NRXN1: variants seen among roughly 807,000 people sequenced by gnomAD.
The protein encoded by NRXN1 is neurexin 1, also known as neurexin-1.
In NRXN1, 39 loss-of-function variants were observed where a neutral mutation model predicts 150.9. The ratio of observed to expected loss-of-function variants is 0.26; its 90% CI spans 0.20 to 0.34. NRXN1 has a LOEUF of 0.34. NRXN1 is among the 10% of genes least tolerant of loss of function. NRXN1 has a pLI of 1.00. For missense variants in NRXN1, 1,815 were observed against 1,949.9 expected (o/e 0.93, Z 1.30); for synonymous variants, 924 against 757.0 (o/e 1.22, Z -3.62).
intron 18 of NRXN1, among the ~76,000 whole-genome samples, chr2:50,110,655 A>G (rs905728486): frequency 6.6e-6 from 1 of 152,126 alleles, no homozygotes; most frequent in African/African-American, 2.4e-5. Flanking sequence ...CCTAGACAAT[A>G]AAAAATTGAT....
At chr2:50,817,306 C>T (rs1400728436) in intron 5 of NRXN1, among the ~76,000 whole-genome samples, 1 of 151,936 alleles carries the variant, frequency 6.6e-6, no homozygotes. Context: ...TCAACTGAAT[C>T]ATGAATATAA....
chr2:50,494,751 G>A (rs969466486), intron 15 of NRXN1, among the ~76,000 whole-genome samples: 2 of 152,146 alleles, frequency 1.3e-5, no homozygotes, highest in African/African-American at 4.8e-5. Context: ...GTTCTGTTGA[G>A]GCTGGGTGCA....
At chr2:50,816,967 T>C (rs1669023154) in intron 5 of NRXN1, among the ~76,000 whole-genome samples, 1 of 152,090 alleles carries the variant, frequency 6.6e-6, no homozygotes, top group African/African-American at 2.4e-5. Context: ...TTTAAAACTG[T>C]TAGGAGGACT....
At chr2:50,920,141 A>C (rs1412069085) in intron 5 of NRXN1, 2 of 179,202 alleles carry the variant, frequency 1.1e-5, no homozygotes, top group Non-Finnish European at 2.6e-5. Flanking sequence ...TAACAGCAAA[A>C]AGCTTACTCG....
chr2:51,014,770 T>G (rs1267926355), intron 2 of NRXN1, among the ~76,000 whole-genome samples: 1 of 151,930 alleles, frequency 6.6e-6, no homozygotes, highest in Non-Finnish European at 1.5e-5. Context: ...ACCTATCAAA[T>G]GAGAAAAAAG....
chr2:50,275,987 C>CAAA lies in NRXN1; in HGVS notation c.3365-39020_3365-39018dup, dbSNP rs34672241. Among the ~76,000 whole-genome samples, 636 of 127,738 alleles carry CAAA rather than the reference C, an allele frequency of 5.0e-3. 8 individuals are homozygous for CAAA. The highest frequency in any genetic ancestry group is 0.017 in the African/African-American group (581 of 34,076). 83.8% of individuals were successfully genotyped at this position (127,738 alleles called of 152,430 possible). A position where few individuals can be genotyped will look rare whatever the true frequency, so the allele number is the denominator to read the frequency against. ...CATATTATTACCCATTCCTACCTTG[C>CAAA]AAAAAAAAAAAAAAAGCCCAGTCTG... On this transcript the variant is annotated intron_variant, in intron 17 of 22. Coordinates refer to ENST00000401669, the MANE Select transcript of NRXN1 (RefSeq NM_001330078.2).
intron 21 of NRXN1, among the ~76,000 whole-genome samples, chr2:50,014,922 C>T (rs1367745938): frequency 1.3e-5 from 2 of 152,144 alleles, no homozygotes; most frequent in Non-Finnish European, 2.9e-5. Flanking sequence ...GTAATGCTAT[C>T]ACAGCCGGTG....
chr2:50,927,523 A>C (rs1687083644), intron 2 of NRXN1, among the ~76,000 whole-genome samples: 1 of 152,018 alleles, frequency 6.6e-6, no homozygotes, highest in African/African-American at 2.4e-5. Flanking sequence ...AATTAGGCTG[A>C]ATTTGTTACT....
chr2:50,617,010 C>G (rs1396628225), intron 8 of NRXN1, among the ~76,000 whole-genome samples: 1 of 152,086 alleles, frequency 6.6e-6, no homozygotes. Context: ...CAAAGCTGAC[C>G]TATTTGAAGT....
chr2:50,538,551 C>A lies in NRXN1; in HGVS notation c.1845G>T (p.Leu615=), dbSNP rs367664516. 32 of 1,580,644 alleles carry A rather than the reference C, an allele frequency of 2.0e-5. No individual in the cohort carries two copies. Among genetic ancestry groups the A allele is most frequent in the Non-Finnish European group, 2.7e-5 (31 of 1,161,782 alleles). The change falls in exon 10 of 23, where the codon CTG becomes CTT. Residue 615 remains leucine, a synonymous_variant. Coordinates refer to ENST00000401669, the MANE Select transcript of NRXN1 (RefSeq NM_001330078.2). ...EILDLDDELY[L]GGLPENKAGL... ...CAGCTTTATTTTCTGGCAGCCCCCC[C>A]AGGTACAACTCATCATCCAGGTCCA...
chr2:50,665,069 C>A (rs1287032809), intron 5 of NRXN1, among the ~76,000 whole-genome samples: 1 of 151,880 alleles, frequency 6.6e-6, no homozygotes, highest in African/African-American at 2.4e-5. Flanking sequence ...TTTGCTAGAT[C>A]CCAGTATACT....
intron 8 of NRXN1, among the ~76,000 whole-genome samples, chr2:50,614,697 G>T (rs1369226089): frequency 2.3e-5 from 2 of 86,094 alleles, no homozygotes; most frequent in Non-Finnish European, 4.4e-5. Flanking sequence ...TTTGGAAGTA[G>T]AAGTAGATTA....
intron 12 of NRXN1, among the ~76,000 whole-genome samples, chr2:50,516,782 A>T (rs2092644361): frequency 6.6e-6 from 1 of 152,058 alleles, no homozygotes; most frequent in Non-Finnish European, 1.5e-5. Context: ...GCAAAGAGAT[A>T]GAGTCCTAAG....
chr2:50,038,788 T>C (rs1407371522), intron 21 of NRXN1, among the ~76,000 whole-genome samples: 1 of 96,954 alleles, frequency 1.0e-5, no homozygotes, highest in Non-Finnish European at 2.0e-5. Context: ...CCTTCCTTCC[T>C]TCCCACCCTC....
intron 21 of NRXN1, chr2:49,972,551 C>G (rs1333066037): frequency 6.6e-6 from 1 of 152,120 alleles, no homozygotes; most frequent in Admixed American, 6.5e-5. Flanking sequence ...TTAATTGCCA[C>G]TTTTATATTT....
chr2:49,923,498 G>A (rs373410958), intron 22 of NRXN1, among the ~76,000 whole-genome samples: 4 of 152,296 alleles, frequency 2.6e-5, no homozygotes, highest in African/African-American at 7.2e-5. Context: ...AGATAAGAAT[G>A]TGTGTGTATG....
rs77831129 is a variant in NRXN1 at position 50,933,716 on chromosome 2, A to C, written c.773-7761T>G. On this transcript the variant is annotated intron_variant, in intron 2 of 22. Coordinates refer to ENST00000401669, the MANE Select transcript of NRXN1 (RefSeq NM_001330078.2). The stretch of plus-strand genomic sequence containing the variant: ...TATCTGTTGATTTACTGATCCATAA[A>C]ATCAAATCAACACAAATACAAATTT... 8.7e-3 allele frequency among the ~76,000 whole-genome samples: 1,320 copies of C among 152,230 alleles called. 29 individuals carry two copies. Among genetic ancestry groups the C allele is most frequent in the East Asian group, 0.078 (401 of 5,174 alleles).
chr2:50,962,342 T>A (rs1337980794), intron 2 of NRXN1, among the ~76,000 whole-genome samples: 1 of 151,720 alleles, frequency 6.6e-6, no homozygotes, highest in East Asian at 1.9e-4. Context: ...TGAGGCCTCT[T>A]GTTTCTTTTT....
intron 8 of NRXN1, among the ~76,000 whole-genome samples, chr2:50,614,610 C>T (rs1219899091): frequency 6.8e-6 from 1 of 148,012 alleles, no homozygotes; most frequent in Non-Finnish European, 1.5e-5. Flanking sequence ...ACGTTGTACA[C>T]ACGTACCCTA....
Sources: allele counts gnomAD v4.1 joint callset (sites outside exome capture counted in the v4.1 genomes callset), GRCh38; gene constraint gnomAD v4.1.1; transcripts MANE v1.5; gene names NCBI Gene and HGNC (gene_info 2026-07-23, HGNC 2026-07-21).